PTPRJ: variants seen among roughly 807,000 people sequenced by gnomAD.
The protein encoded by PTPRJ is receptor-type tyrosine-protein phosphatase eta.
Under a neutral mutation model 141.3 loss-of-function variants are expected in PTPRJ, and 129 were observed. The ratio of observed to expected loss-of-function variants is 0.91; its 90% CI spans 0.79 to 1.06. PTPRJ has a LOEUF of 1.06. Among genes scored for constraint, PTPRJ ranks in the 50% least tolerant of loss-of-function variants. The pLI is 0.00. For synonymous variants in PTPRJ, 610 were observed against 640.5 expected, an observed-to-expected ratio of 0.95 and a Z score of 0.72; for missense variants, 1,601 against 1,679.7, an observed-to-expected ratio of 0.95 and a Z score of 0.82.
At position 48,037,577 on chromosome 11, in the gene PTPRJ, C is replaced by T. The variant is rs1265823677; in HGVS notation, c.96+56569C>T. On this transcript the variant is annotated intron_variant, in intron 1 of 24. Coordinates refer to ENST00000418331, the MANE Select transcript of PTPRJ (RefSeq NM_002843.4). ...TTGTAATCCCAGCATTTTGGGAGGC[C>T]GAGGTGGGCGGATCACTTGAGTCCA... is the stretch of plus-strand genomic sequence containing the variant. Among the ~76,000 whole-genome samples, 7 of 152,224 alleles carry T rather than the reference C, an allele frequency of 4.6e-5. No homozygotes were observed. In the East Asian group the frequency reaches 7.7e-4, roughly 17 times the overall value.
chr11:48,105,114 A>G (rs1320690880), intron 1 of PTPRJ, among the ~76,000 whole-genome samples: 1 of 152,156 alleles, frequency 6.6e-6, no homozygotes, highest in East Asian at 1.9e-4. Flanking sequence ...ATTCTCACAC[A>G]GGGTCACTAT....
intron 11 of PTPRJ, among the ~76,000 whole-genome samples, chr11:48,140,610 C>T (rs1052588411): frequency 1.2e-4 from 18 of 152,270 alleles, no homozygotes; most frequent in African/African-American, 3.6e-4. Flanking sequence ...CACCTCCCAG[C>T]GGGCACTGCT....
Position 48,121,084 on chromosome 11 carries a change from C to A in PTPRJ, c.434C>A (p.Ala145Asp). ...TTAACTTGGAAAAGTAATGACACAG[C>A]TGCTTCTGAGTACAAGTATGTAGTA... ...VILTWKSNDT[A>D]ASEYKYVVKH... is the part of the protein sequence containing the mutation. The change falls in exon 4 of 25, where the codon GCT (alanine) becomes GAT (aspartate). Residue 145 changes from alanine to aspartate, a missense_variant. Coordinates refer to ENST00000418331, the MANE Select transcript of PTPRJ (RefSeq NM_002843.4). 2.5e-6 allele frequency: 4 copies of A among 1,613,704 alleles called. No homozygotes were observed. Among genetic ancestry groups the A allele is most frequent in the Non-Finnish European group, 3.4e-6 (4 of 1,179,792 alleles).
intron 18 of PTPRJ, 123 bp from the exon 19 acceptor site, chr11:48,153,673 A>G (rs560718261): frequency 4.3e-4 from 275 of 636,360 alleles, no homozygotes; most frequent in Non-Finnish European, 6.3e-4. Flanking sequence ...GTAAATTTCT[A>G]TGTTTATTCA....
chr11:48,033,611 G>A (rs1332807538), intron 1 of PTPRJ, among the ~76,000 whole-genome samples: 1 of 152,172 alleles, frequency 6.6e-6, no homozygotes, highest in Non-Finnish European at 1.5e-5. Flanking sequence ...CTATGGGATG[G>A]ATTAACTGTG....
chr11:48,144,635 A>G (rs1857310005), intron 12 of PTPRJ, 40 bp from the exon 13 acceptor site: 2 of 1,520,658 alleles, frequency 1.3e-6, no homozygotes, highest in Non-Finnish European at 9.1e-7. Flanking sequence ...TCTCTCTGCC[A>G]TCACTTTCTT....
intron 21 of PTPRJ, 105 bp downstream of exon 21, chr11:48,156,224 C>A: frequency 1.0e-6 from 1 of 957,232 alleles, no homozygotes; most frequent in Non-Finnish European, 1.5e-6. Context: ...AAAACTCAAA[C>A]ATTAGCACTT....
In PTPRJ at chr11:48,130,434, C is replaced by T. The variant is rs1856945000; in HGVS notation, c.1358-25C>T. 9 of 1,587,686 alleles carry T rather than the reference C, an allele frequency of 5.7e-6. No homozygotes were observed. The African/African-American group carries it at 1.1e-4, about 19-fold the overall frequency. ...TCTCCTGGAGAAGTATATTTTTAAT[C>T]TAGTTGTTTACTTTCTTTGCATAGC... On this transcript the variant is annotated intron_variant, in intron 7 of 24. Transcript: ENST00000418331.
intron 1 of PTPRJ, among the ~76,000 whole-genome samples, chr11:48,059,109 C>CTTTTTTTTT (rs1437506736): frequency 7.9e-6 from 1 of 125,932 alleles, no homozygotes. Context: ...CTGTGCTGTG[C>CTTTTTTTTT]CTTTTTTTTT....
chr11:48,053,605 C>T (rs1284289699), intron 1 of PTPRJ, among the ~76,000 whole-genome samples: 1 of 143,988 alleles, frequency 6.9e-6, no homozygotes, highest in African/African-American at 2.6e-5. Context: ...GAGAGACAGT[C>T]TTGCTGTGTT....
intron 1 of PTPRJ, among the ~76,000 whole-genome samples, chr11:48,037,759 G>C (rs1459203006): frequency 3.3e-5 from 5 of 152,126 alleles, no homozygotes; most frequent in Admixed American, 3.3e-4. Flanking sequence ...GTTGCAGTGA[G>C]CCAGGATTGT....
chr11:48,088,320 TG>T (rs1855769916), intron 1 of PTPRJ, among the ~76,000 whole-genome samples: 1 of 152,224 alleles, frequency 6.6e-6, no homozygotes, highest in Admixed American at 6.5e-5. Context: ...GACATTCTCA[TG>T]ACATCCTGGC....
At chr11:48,046,914 T>TATATA (rs1565274954) in intron 1 of PTPRJ, among the ~76,000 whole-genome samples, 47 of 59,608 alleles carry the variant, frequency 7.9e-4, no homozygotes, top group South Asian at 1.8e-3. Flanking sequence ...ATATATATAT[T>TATATA]TTTTTTTTTT....
intron 1 of PTPRJ, among the ~76,000 whole-genome samples, chr11:48,041,575 G>GA (rs1854273590): frequency 6.6e-6 from 1 of 152,136 alleles, no homozygotes; most frequent in Non-Finnish European, 1.5e-5. Flanking sequence ...ATTTAAAGCT[G>GA]AAAGGCTTTA....
intron 1 of PTPRJ, among the ~76,000 whole-genome samples, chr11:48,026,828 GCCTTTTATC>G (rs1488355552): frequency 6.6e-6 from 1 of 151,790 alleles, no homozygotes; most frequent in Non-Finnish European, 1.5e-5. Flanking sequence ...CCAATTTGTG[GCCTTTTATC>G]CCTCACCTGC....
intron 1 of PTPRJ, chr11:48,096,717 C>G (rs1299423014): frequency 1.3e-5 from 2 of 154,850 alleles, no homozygotes; most frequent in African/African-American, 4.8e-5. Flanking sequence ...CATCATCCTT[C>G]CACATTGTCT....
chr11:48,126,367 A>G (rs1408058291), intron 6 of PTPRJ, among the ~76,000 whole-genome samples: 1 of 152,064 alleles, frequency 6.6e-6, no homozygotes, highest in East Asian at 1.9e-4. Context: ...TAATCATTAT[A>G]GTAGCCTTTC....
intron 11 of PTPRJ, 136 bp from the exon 12 acceptor site, chr11:48,142,783 T>C: frequency 9.2e-7 from 1 of 1,085,642 alleles, no homozygotes; most frequent in Admixed American, 2.9e-5. Context: ...TGCTTCTGGA[T>C]TTGCTGTTTT....
chr11:48,164,101 T>A (rs540845711), intron 23 of PTPRJ, among the ~76,000 whole-genome samples: 2 of 152,200 alleles, frequency 1.3e-5, no homozygotes, highest in African/African-American at 4.8e-5. Context: ...CCATCCTGGG[T>A]TATGGGCAAC....
Sources: allele counts gnomAD v4.1 joint callset (sites outside exome capture counted in the v4.1 genomes callset), GRCh38; gene constraint gnomAD v4.1.1; transcripts MANE v1.5; gene names NCBI Gene and HGNC (gene_info 2026-07-23, HGNC 2026-07-21).